Variants in A2ML1 observed in about 807,000 individuals in gnomAD.
The protein encoded by A2ML1 is alpha-2-macroglobulin like 1, also known as alpha-2-macroglobulin-like protein 1.
A2ML1 carries 161 observed loss-of-function variants against 181.9 expected under a neutral mutation model. That is an observed-to-expected ratio of 0.89 (90% CI 0.78 to 1.01). The LOEUF is 1.01. Ranked by LOEUF, A2ML1 falls within the 50% of genes least tolerant of loss-of-function variation. The pLI, the probability that A2ML1 is intolerant of heterozygous loss-of-function variation, is 0.00. For missense variants in A2ML1, 1,670 were observed against 1,768.1 expected (o/e 0.94, Z 1.00); for synonymous variants, 663 against 666.8 (o/e 0.99, Z 0.09).
intron 22 of A2ML1, 127 bp downstream of exon 22, chr12:8,854,958 G>A (rs1349867225): frequency 1.4e-5 from 14 of 987,074 alleles, no homozygotes; most frequent in South Asian, 3.0e-5. Flanking sequence ...GCAGTGGCAC[G>A]ATTTCAGCTC....
chr12:8,842,466 G>A (rs894471744), intron 11 of A2ML1, among the ~76,000 whole-genome samples: 13 of 152,092 alleles, frequency 8.5e-5, no homozygotes, highest in Non-Finnish European at 1.5e-4. Context: ...TGATCCGCCC[G>A]CCTTGGCCTC....
chr12:8,870,952 G>A (rs947076999), intron 33 of A2ML1, among the ~76,000 whole-genome samples: 2 of 152,108 alleles, frequency 1.3e-5, no homozygotes, highest in Non-Finnish European at 2.9e-5. Flanking sequence ...CCTCTTTTCT[G>A]TGTGTCTTCT....
At position 8,845,586 on chromosome 12, in the gene A2ML1, G is replaced by A. The variant is rs185432328; in HGVS notation, c.1537+84G>A. ...TTCTTGGCCAGGCGCGGTGGCTCAT[G>A]CCTGTAATCCCAGCACTTTGGGAGG... On this transcript the variant is annotated intron_variant, in intron 13 of 35. Transcript: ENST00000299698. The A allele has an allele frequency of 6.3e-3, 8,862 of 1,411,452 alleles. 46 individuals carry two copies. Among genetic ancestry groups the A allele is most frequent in the Non-Finnish European group, 8.0e-3 (8,089 of 1,013,198 alleles). 87.4% of individuals were successfully genotyped at this position (1,411,452 alleles called of 1,614,324 possible). A position where few individuals can be genotyped will look rare whatever the true frequency, so the allele number is the denominator to read the frequency against.
chr12:8,875,070 A>G (rs1944759429), intron 35 of A2ML1, 58 bp downstream of exon 35: 3 of 1,560,540 alleles, frequency 1.9e-6, no homozygotes, highest in Non-Finnish European at 2.6e-6. Context: ...AGTTAAGAGG[A>G]GCCTCTTTTC....
intron 14 of A2ML1, among the ~76,000 whole-genome samples, 187 bp from the exon 15 acceptor site, chr12:8,847,362 C>T (rs996213826): frequency 1.3e-5 from 2 of 151,992 alleles, no homozygotes; most frequent in East Asian, 1.9e-4. Flanking sequence ...GTGCTGCTCA[C>T]GTTTCCCAAC....
chr12:8,868,032 C>A lies in A2ML1; in HGVS notation c.3908C>A (p.Ser1303Ter). ...CCTGGAATGTACACGTTGGAGGCCT[C>A]AGGCCAGGGCTGTGTCTATGTGCAG... Reference protein sequence around the residue: ...NVPGMYTLEASGQGCVYVQTV... With the variant: ...NVPGMYTLEA Residue 1303 changes from serine to a stop codon, truncating the protein, a stop_gained, in exon 30 of 36, where the codon TCA becomes TAA. Transcript: ENST00000299698. LOFTEE classifies it high-confidence loss of function. The A allele has an allele frequency of 6.2e-7, 1 of 1,614,220 alleles. No homozygotes were observed. Among genetic ancestry groups the A allele is most frequent in the Non-Finnish European group, 8.5e-7 (1 of 1,180,028 alleles).
At chr12:8,835,312 T>C (rs1943235405) in intron 5 of A2ML1, among the ~76,000 whole-genome samples, 195 bp from the exon 6 acceptor site, 1 of 152,194 alleles carries the variant, frequency 6.6e-6, no homozygotes, top group Non-Finnish European at 1.5e-5. Context: ...GCTGGATCTA[T>C]AGAAATATTT....
At chr12:8,845,026 G>T in intron 12 of A2ML1, 1 of 1,432,324 alleles carries the variant, frequency 7.0e-7, no homozygotes, top group South Asian at 1.5e-5. Context: ...GCTCAGGGTG[G>T]TTTAGGATGA....
Position 8,857,241 on chromosome 12 carries a change from G to A in A2ML1, c.2926G>A (p.Val976Ile), listed in dbSNP as rs1318830341. The A allele has an allele frequency of 1.2e-6, 2 of 1,613,448 alleles. No individual in the cohort carries two copies. Among genetic ancestry groups the A allele is most frequent in the Non-Finnish European group, 1.7e-6 (2 of 1,179,998 alleles). ...CAGTGGCTGTGGCGAGCAGAACATG[G>A]TCTTGTTTGCTCCCATCATCTATGT... ...MPSGCGEQNM[V>I]LFAPIIYVLQ... The change falls in exon 24 of 36, where the codon GTC (valine) becomes ATC (isoleucine). Residue 976 changes from valine (V) to isoleucine (I), a missense_variant. Coordinates refer to ENST00000299698, the MANE Select transcript of A2ML1 (RefSeq NM_144670.6).
intron 14 of A2ML1, among the ~76,000 whole-genome samples, chr12:8,847,136 AC>A (rs1407312672): frequency 2.0e-5 from 2 of 98,982 alleles, no homozygotes; most frequent in African/African-American, 8.9e-5. Context: ...TTTAGTAGAG[AC>A]GGGGTTTCAC....
chr12:8,842,249 A>G (rs1470525619), intron 11 of A2ML1, among the ~76,000 whole-genome samples: 14 of 146,216 alleles, frequency 9.6e-5, no homozygotes, highest in Middle Eastern at 3.5e-3. Flanking sequence ...ACAGAGTCTC[A>G]CTCTGTCACC....
intron 3 of A2ML1, among the ~76,000 whole-genome samples, chr12:8,825,516 G>C (rs1405567533): frequency 6.6e-6 from 1 of 152,134 alleles, no homozygotes; most frequent in African/African-American, 2.4e-5. Flanking sequence ...CAGATGGGTA[G>C]TTTGCAAATA....
In A2ML1 at chr12:8,852,482, A is replaced by G. The variant is rs1241422180; in HGVS notation, c.2590+146A>G. 2.5e-6 allele frequency: 3 copies of G among 1,222,026 alleles called. No individual in the cohort carries two copies. The highest frequency in any genetic ancestry group is 3.4e-6 in the Non-Finnish European group (3 of 878,562). 75.7% of individuals were successfully genotyped at this position (1,222,026 alleles called of 1,614,324 possible). ...CTCCCTCCTAAGGCTGTTATAAGTC[A>G]ATACACAAACACTCTTTGATAGGTG... On this transcript the variant is annotated intron_variant, in intron 20 of 35. Transcript: ENST00000299698. This position sits in a 1 kb window ranked among gnomAD's most constrained non-coding sequence, Gnocchi z 4.2.
intron 8 of A2ML1, among the ~76,000 whole-genome samples, chr12:8,838,058 T>A (rs1305505657): frequency 6.6e-6 from 1 of 152,126 alleles, no homozygotes; most frequent in Non-Finnish European, 1.5e-5. Context: ...TGTTTTAGAG[T>A]CTGCCTTGGA....
intron 34 of A2ML1, 72 bp downstream of exon 34, chr12:8,874,599 C>A: frequency 8.5e-7 from 1 of 1,171,652 alleles, no homozygotes; most frequent in Non-Finnish European, 1.3e-6. Flanking sequence ...CCTCATTCTT[C>A]ATGGCTTCTC....
At chr12:8,831,332 C>T (rs1943106244) in intron 4 of A2ML1, among the ~76,000 whole-genome samples, 1 of 152,170 alleles carries the variant, frequency 6.6e-6, no homozygotes, top group African/African-American at 2.4e-5. Flanking sequence ...CCCGCAGCAG[C>T]ACTATTTTAG....
At chr12:8,824,233 T>TG (rs1446847000) in intron 3 of A2ML1, among the ~76,000 whole-genome samples, 98 of 147,546 alleles carry the variant, frequency 6.6e-4, no homozygotes, top group African/African-American at 2.3e-3. Flanking sequence ...TTTTTTTTTT[T>TG]TTTTTTTTTT....
At chr12:8,842,601 A>C (rs1209914893) in intron 11 of A2ML1, among the ~76,000 whole-genome samples, 1 of 152,138 alleles carries the variant, frequency 6.6e-6, no homozygotes. Flanking sequence ...CCACATGCTC[A>C]AGGATGCTGA....
chr12:8,879,358 GCA>G (rs1944846989), downstream of A2ML1, among the ~76,000 whole-genome samples: 1 of 151,874 alleles, frequency 6.6e-6, no homozygotes, highest in Non-Finnish European at 1.5e-5. Flanking sequence ...GGGCGTGGTG[GCA>G]TGCGCCTGTA....
Sources: gnomAD v4.1 joint callset for allele counts (sites outside exome capture counted in the v4.1 genomes callset) on GRCh38, gnomAD v4.1.1 for gene constraint, Gnocchi (gnomAD v3.1) non-coding constraint, MANE v1.5 for transcripts, NCBI Gene and HGNC (gene_info 2026-07-23, HGNC 2026-07-21) for gene names.